The following RSRC2 variants were observed in gnomAD, a reference collection of about 807,000 sequenced individuals.
RSRC2 encodes arginine and serine rich coiled-coil 2.
RSRC2 carries 5 observed loss-of-function variants against 61.3 expected under a neutral mutation model. The observed-to-expected ratio is 0.08, with a 90% CI of 0.04 to 0.17. The LOEUF is 0.17. RSRC2 is among the 10% of genes least tolerant of loss of function. The pLI is 1.00. For missense variants in RSRC2, 381 were observed against 518.8 expected, an observed-to-expected ratio of 0.73 and a Z score of 2.58; for synonymous variants, 202 against 166.5, an observed-to-expected ratio of 1.21 and a Z score of -1.64.
At position 122,519,389 on chromosome 12, in the gene RSRC2, TTAAGTTTAAG is replaced by T. The variant is rs1049017479; in HGVS notation, c.208-370_208-361del. ...ACTTCTAAATCCAGATTACATAATG[TTAAGTTTAAG>T]TAAGTAATGGAGATAATGACACAAA... On this transcript the variant is annotated intron_variant, in intron 3 of 9. Coordinates refer to ENST00000331738, the MANE Select transcript of RSRC2 (RefSeq NM_023012.6). The T allele has an allele frequency of 6.1e-4, 38 of 62,332 alleles. 1 individual carries two copies. The highest frequency in any genetic ancestry group is 4.1e-4 in the Non-Finnish European group (7 of 17,102). 3.9% of individuals were successfully genotyped at this position (62,332 alleles called of 1,614,324 possible).
intron 7 of RSRC2, among the ~76,000 whole-genome samples, chr12:122,509,828 T>TTTTTTG (rs1221413859): frequency 6.6e-6 from 1 of 152,050 alleles, no homozygotes; most frequent in East Asian, 1.9e-4. Context: ...TAATTTTTTG[T>TTTTTTG]TTTTTGTTTT....
At chr12:122,521,054 T>C (rs1959193899) in intron 3 of RSRC2, 3 of 262,728 alleles carry the variant, frequency 1.1e-5, no homozygotes, top group African/African-American at 2.2e-5. Flanking sequence ...TTAAAAATCC[T>C]GAGCAACTGT....
chr12:122,509,946 T>C (rs1365243576), intron 7 of RSRC2, among the ~76,000 whole-genome samples: 2 of 152,080 alleles, frequency 1.3e-5, no homozygotes, highest in Non-Finnish European at 2.9e-5. Flanking sequence ...TCAAGCCTCC[T>C]GAGTAGCTGG....
chr12:122,510,786 C>A (rs1958445868), intron 7 of RSRC2, among the ~76,000 whole-genome samples: 1 of 152,170 alleles, frequency 6.6e-6, no homozygotes, highest in South Asian at 2.1e-4. Flanking sequence ...GTGGCTCATG[C>A]CTGCAATCCC....
At chr12:122,517,632 C>T (rs1259177339) in intron 4 of RSRC2, among the ~76,000 whole-genome samples, 1 of 152,106 alleles carries the variant, frequency 6.6e-6, no homozygotes, top group African/African-American at 2.4e-5. Context: ...TGTCCTAGAA[C>T]ATAGTAAACC....
rs1959128948 is a variant in RSRC2 at position 122,519,008 on chromosome 12, C to G, written c.229G>C (p.Asp77His). 6.2e-7 allele frequency: 1 copy of G among 1,613,468 alleles called. No homozygotes were observed. The highest frequency in any genetic ancestry group is 8.5e-7 in the Non-Finnish European group (1 of 1,179,842). ...SKEGRRHESK[D>H]KSSKKHKSEE... ...GACTTATGTTTCTTAGAGGATTTATCTTTGGATTCATGTCTTCTTCCCTGT... is the reference window on the plus strand; with the variant it reads ...GACTTATGTTTCTTAGAGGATTTATGTTTGGATTCATGTCTTCTTCCCTGT... The change falls in exon 4 of 10, where the codon GAT (aspartate) becomes CAT (histidine). Residue 77 changes from aspartate to histidine, a missense_variant. By Grantham distance (81) the Asp-to-His change is moderately conservative. Around this residue, in one of 4 missense-constraint regions of RSRC2, gnomAD observed 266 missense variants for 270.5 expected, o/e 0.98. Transcript: ENST00000331738.
chr12:122,517,293 C>G lies in RSRC2; in HGVS notation c.536G>C (p.Arg179Pro). 1.9e-6 allele frequency: 3 copies of G among 1,614,086 alleles called. No individual in the cohort carries two copies. Among genetic ancestry groups the G allele is most frequent in the Non-Finnish European group, 1.7e-6 (2 of 1,180,010 alleles). Residue 179 changes from arginine (R) to proline (P), a missense_variant, in exon 5 of 10, where the codon CGT becomes CCT. By Grantham distance (103) the Arg-to-Pro change is moderately radical. Coordinates refer to ENST00000331738, the MANE Select transcript of RSRC2 (RefSeq NM_023012.6). ...SRERKRRIRSRSRSRSRHRHR... is the reference protein window; with the variant it reads ...SRERKRRIRSPSRSRSRHRHR... ...CCTGTGTCTTGATCTTGAGCGGGAA[C>G]GAGACCTGATCCGCCGTTTTCTTTC...
intron 6 of RSRC2, chr12:122,513,891 A>T: frequency 3.6e-6 from 3 of 831,900 alleles, no homozygotes; most frequent in Non-Finnish European, 4.3e-6. Context: ...AAAATACAAA[A>T]ATTAGCCAGG....
At chr12:122,511,829 G>C (rs1188014208) in intron 6 of RSRC2, among the ~76,000 whole-genome samples, 2 of 150,846 alleles carry the variant, frequency 1.3e-5, no homozygotes, top group Non-Finnish European at 1.5e-5. Context: ...TTTTTTTTGA[G>C]ACAGTCTCAC....
rs1958047996 is a variant in RSRC2, at chr12:122,505,287, T to C, written c.*240A>G. 1 of 365,720 alleles carries C rather than the reference T, an allele frequency of 2.7e-6. No homozygotes were observed. Among genetic ancestry groups the C allele is most frequent in the Non-Finnish European group, 4.9e-6 (1 of 205,654 alleles). 22.7% of individuals were successfully genotyped at this position (365,720 alleles called of 1,614,324 possible). On this transcript the variant is annotated 3_prime_UTR_variant, in exon 10 of 10. Coordinates refer to ENST00000331738, the MANE Select transcript of RSRC2 (RefSeq NM_023012.6). ...CTTTTATATATTTGAAAAGTAGAATTCATGAACTAAAAAATATTATCCTTC... is the reference window on the plus strand; with the variant it reads ...CTTTTATATATTTGAAAAGTAGAATCCATGAACTAAAAAATATTATCCTTC...
rs1159910270 is a variant in RSRC2 at position 122,505,671 on chromosome 12, T to A, written c.1161A>T (p.Glu387Asp). 1.2e-6 allele frequency: 2 copies of A among 1,614,140 alleles called. No homozygotes were observed. Among genetic ancestry groups the A allele is most frequent in the Admixed American group, 1.7e-5 (1 of 60,022 alleles). Residue 387 changes from glutamate (E) to aspartate (D), a missense_variant, in exon 10 of 10, where the codon GAA (glutamate) becomes GAT (aspartate). Transcript: ENST00000331738. ...EDEAGCSSVDEESYKTLKQQE... is the reference protein window; with the variant it reads ...EDEAGCSSVDDESYKTLKQQE... ...GCTGCTTCAGAGTCTTGTAACTTTC[T>A]TCATCAACTGAGCTACATCCAGCTT...
chr12:122,508,198 A>T lies in RSRC2; in HGVS notation c.1035+20T>A, dbSNP rs1958255795. Reference sequence around the variant, plus strand: ...ACTAATTAGGAATAAACGACAGAAAAGCAGAATAAGAGAACTTACCCCTTC... The same window carrying T: ...ACTAATTAGGAATAAACGACAGAAATGCAGAATAAGAGAACTTACCCCTTC... On this transcript the variant is annotated intron_variant, in intron 8 of 9. Coordinates refer to ENST00000331738, the MANE Select transcript of RSRC2 (RefSeq NM_023012.6). 1.3e-6 allele frequency: 2 copies of T among 1,593,060 alleles called. No homozygotes were observed. The highest frequency in any genetic ancestry group is 2.2e-5 in the South Asian group (2 of 90,648).
intron 3 of RSRC2, chr12:122,519,321 C>T: frequency 3.1e-6 from 1 of 320,488 alleles, no homozygotes; most frequent in Non-Finnish European, 5.9e-6. Flanking sequence ...AAGAGGAATC[C>T]CTTATGTTTA....
chr12:122,515,703 G>C (rs961616035), intron 5 of RSRC2, among the ~76,000 whole-genome samples: 1 of 152,120 alleles, frequency 6.6e-6, no homozygotes, highest in Non-Finnish European at 1.5e-5. Context: ...CTAAAAATTA[G>C]GTCTGGCTGG....
intron 3 of RSRC2, chr12:122,520,428 T>TAA: frequency 1.2e-6 from 1 of 869,106 alleles, no homozygotes; most frequent in Non-Finnish European, 1.7e-6. Context: ...ACTATTAATT[T>TAA]AAAAAAAACA....
intron 1 of RSRC2, among the ~76,000 whole-genome samples, chr12:122,524,071 C>G (rs1296048900): frequency 6.6e-6 from 1 of 152,164 alleles, no homozygotes; most frequent in Non-Finnish European, 1.5e-5. Flanking sequence ...AATTTTTATG[C>G]TGAAAGGTTT....
chr12:122,522,294 A>G lies in RSRC2; in HGVS notation c.12T>C (p.Ser4=). 1 of 1,588,730 alleles carries G rather than the reference A, an allele frequency of 6.3e-7. No homozygotes were observed. The highest frequency in any genetic ancestry group is 2.3e-5 in the East Asian group (1 of 44,340). MAA[S]DTERDGLAPE... ...GGGCTAGTCCATCTCGCTCTGTATC[A>G]CTAGCCTAAAAGTTTAAAAACAAAT... Residue 4 remains serine, a synonymous_variant, in exon 2 of 10, where the codon AGT becomes AGC. Coordinates refer to ENST00000331738, the MANE Select transcript of RSRC2 (RefSeq NM_023012.6).
intron 6 of RSRC2, among the ~76,000 whole-genome samples, chr12:122,513,240 TAAATAAAATAAAATA>T (rs372643406): frequency 5.9e-4 from 40 of 68,210 alleles, no homozygotes; most frequent in African/African-American, 1.3e-3. Flanking sequence ...AATAAATAAA[TAAATAAAATAAAATA>T]AAAATAAAAA....
intron 1 of RSRC2, among the ~76,000 whole-genome samples, chr12:122,525,675 C>T (rs1357817051): frequency 1.3e-5 from 2 of 151,948 alleles, no homozygotes; most frequent in Non-Finnish European, 2.9e-5. Context: ...TTCCTTTTAA[C>T]GGAATAAAAA....
Sources: gnomAD v4.1 joint callset for allele counts (sites outside exome capture counted in the v4.1 genomes callset) on GRCh38, gnomAD v4.1.1 for gene constraint, gnomAD v4.1.1 regional missense constraint, MANE v1.5 for transcripts, NCBI Gene and HGNC (gene_info 2026-07-23, HGNC 2026-07-21) for gene names.